Variants in FARS2 observed in about 807,000 individuals in gnomAD.
FARS2 encodes the protein phenylalanyl-tRNA synthetase 2, mitochondrial, also known as phenylalanine--tRNA ligase, mitochondrial.
In FARS2, 40 loss-of-function variants were observed where a neutral mutation model predicts 46.4. The observed-to-expected ratio is 0.86, with a 90% CI of 0.67 to 1.12. The LOEUF is 1.12. FARS2 is among the 50% of genes most tolerant of loss of function. FARS2 has a pLI of 0.00. For synonymous variants in FARS2, 234 were observed against 214.9 expected, an observed-to-expected ratio of 1.09 and a Z score of -0.78; for missense variants, 513 against 567.9, an observed-to-expected ratio of 0.90 and a Z score of 0.98.
rs75708837 is a variant in FARS2, at chr6:5,505,874, A to G, written c.905-39306A>G. 5.9e-3 allele frequency among the ~76,000 whole-genome samples: 899 copies of G among 152,290 alleles called. 9 individuals carry two copies. The highest frequency in any genetic ancestry group is 0.02 in the African/African-American group (837 of 41,562). On this transcript the variant is annotated intron_variant, in intron 4 of 6. Coordinates refer to ENST00000274680, the MANE Select transcript of FARS2 (RefSeq NM_006567.5). ...TTCCACCAGCTATTATAATATTACA[A>G]ACATTTTTATAATAAATTAACCTTT...
At chr6:5,442,652 C>G (rs1464527970) in intron 4 of FARS2, among the ~76,000 whole-genome samples, 1 of 152,008 alleles carries the variant, frequency 6.6e-6, no homozygotes, top group South Asian at 2.1e-4. Context: ...AAGCATTTAC[C>G]CTCTCTTTCC....
intron 2 of FARS2, among the ~76,000 whole-genome samples, chr6:5,397,028 C>T (rs1760946343): frequency 6.6e-6 from 1 of 151,882 alleles, no homozygotes; most frequent in Non-Finnish European, 1.5e-5. Context: ...TTCCTTGGCG[C>T]AAAGTATAAA....
At chr6:5,679,010 G>A (rs1225997266) in intron 6 of FARS2, among the ~76,000 whole-genome samples, 1 of 152,122 alleles carries the variant, frequency 6.6e-6, no homozygotes, top group Non-Finnish European at 1.5e-5. Flanking sequence ...GGTGCCCCTT[G>A]GATCAGAAGG....
chr6:5,318,750 A>T (rs1045218305), intron 1 of FARS2, among the ~76,000 whole-genome samples: 1 of 152,118 alleles, frequency 6.6e-6, no homozygotes, highest in South Asian at 2.1e-4. Context: ...GTAGTGCCCC[A>T]TGACCAGTCT....
intron 6 of FARS2, among the ~76,000 whole-genome samples, chr6:5,673,089 T>G (rs575894340): frequency 6.6e-6 from 1 of 152,308 alleles, no homozygotes; most frequent in African/African-American, 2.4e-5. Context: ...ACACCTTTTC[T>G]GGGCCCCAAA....
intron 4 of FARS2, among the ~76,000 whole-genome samples, chr6:5,458,403 G>A (rs1435997897): frequency 1.3e-5 from 2 of 152,182 alleles, no homozygotes; most frequent in Admixed American, 6.5e-5. Context: ...CCTAGAAGGG[G>A]ACTGCTGTCC....
At chr6:5,719,253 C>G (rs1335411697) in intron 6 of FARS2, among the ~76,000 whole-genome samples, 1 of 151,882 alleles carries the variant, frequency 6.6e-6, no homozygotes, top group Admixed American at 6.6e-5. Context: ...TCTGGAGGCA[C>G]ACACCTATGG....
intron 4 of FARS2, among the ~76,000 whole-genome samples, chr6:5,439,404 T>C (rs1397904590): frequency 6.6e-6 from 1 of 152,226 alleles, no homozygotes; most frequent in African/African-American, 2.4e-5. Flanking sequence ...CTGTGTTGTT[T>C]TGCAGCTATG....
At chr6:5,433,550 A>T (rs1355104007) in intron 4 of FARS2, among the ~76,000 whole-genome samples, 1 of 152,222 alleles carries the variant, frequency 6.6e-6, no homozygotes, top group Non-Finnish European at 1.5e-5. Context: ...AGGGAAAAAG[A>T]AAAGTAAGAG....
At chr6:5,770,897 G>C (rs915623568) in intron 6 of FARS2, among the ~76,000 whole-genome samples, 1 of 152,148 alleles carries the variant, frequency 6.6e-6, no homozygotes, top group African/African-American at 2.4e-5. Flanking sequence ...ACATGAAGGA[G>C]GCACACGCGG....
intron 2 of FARS2, among the ~76,000 whole-genome samples, chr6:5,397,580 A>G (rs1427748943): frequency 6.6e-6 from 1 of 152,232 alleles, no homozygotes; most frequent in Admixed American, 6.5e-5. Context: ...TCTTCCTCTC[A>G]GTTTTGCTGT....
chr6:5,541,377 A>T (rs986020281), intron 4 of FARS2, among the ~76,000 whole-genome samples: 1 of 152,222 alleles, frequency 6.6e-6, no homozygotes, highest in African/African-American at 2.4e-5. Flanking sequence ...AAACATAGCT[A>T]CATGAGTTTT....
At chr6:5,473,773 A>T (rs574011364) in intron 4 of FARS2, among the ~76,000 whole-genome samples, 65 of 152,336 alleles carry the variant, frequency 4.3e-4, no homozygotes, top group Non-Finnish European at 7.9e-4. Flanking sequence ...CTACCCAGGC[A>T]TATAAGGATA....
At chr6:5,754,542 C>T (rs957996786) in intron 6 of FARS2, among the ~76,000 whole-genome samples, 1 of 152,250 alleles carries the variant, frequency 6.6e-6, no homozygotes, top group South Asian at 2.1e-4. Context: ...TTCTCACATC[C>T]ACTTCCTTTA....
intron 6 of FARS2, among the ~76,000 whole-genome samples, chr6:5,697,265 CT>C (rs565765724): frequency 5.6e-4 from 86 of 152,214 alleles, no homozygotes; most frequent in African/African-American, 1.9e-3. Context: ...ATTAGAATGA[CT>C]TTTGTCTTTT....
At chr6:5,564,787 A>C (rs1450478609) in intron 5 of FARS2, among the ~76,000 whole-genome samples, 1 of 152,190 alleles carries the variant, frequency 6.6e-6, no homozygotes, top group Non-Finnish European at 1.5e-5. Flanking sequence ...GTGTTTGGTG[A>C]GCCTATCCTC....
chr6:5,743,112 T>C (rs1047432350), intron 6 of FARS2, among the ~76,000 whole-genome samples: 5 of 152,318 alleles, frequency 3.3e-5, no homozygotes, highest in African/African-American at 1.2e-4. Context: ...GGTATTTGAA[T>C]TTTGAAAATC....
intron 4 of FARS2, among the ~76,000 whole-genome samples, chr6:5,443,126 G>A (rs1407416423): frequency 2.0e-5 from 3 of 152,134 alleles, no homozygotes; most frequent in African/African-American, 7.2e-5. Flanking sequence ...CCATCAATGT[G>A]GACTTAATTT....
chr6:5,469,973 A>T (rs1454989885), intron 4 of FARS2, among the ~76,000 whole-genome samples: 1 of 152,208 alleles, frequency 6.6e-6, no homozygotes, highest in Non-Finnish European at 1.5e-5. Context: ...ACTGGTACTG[A>T]CCTTGAAGAG....
Sources: gnomAD v4.1 joint callset for allele counts (sites outside exome capture counted in the v4.1 genomes callset) on GRCh38, gnomAD v4.1.1 for gene constraint, MANE v1.5 for transcripts, NCBI Gene and HGNC (gene_info 2026-07-23, HGNC 2026-07-21) for gene names.